Variants in IL12RB2 observed in about 807,000 individuals in gnomAD.
IL12RB2 encodes the protein interleukin 12 receptor subunit beta 2.
IL12RB2 carries 82 observed loss-of-function variants against 89.4 expected under a neutral mutation model. The ratio of observed to expected loss-of-function variants is 0.92; its 90% CI spans 0.77 to 1.10. The LOEUF (loss-of-function observed/expected upper bound fraction) is 1.10, where lower values mean the gene tolerates loss of function less well. Among genes scored for constraint, IL12RB2 ranks in the 50% least tolerant of loss-of-function variants. The pLI is 0.00. For synonymous variants in IL12RB2, 368 were observed against 370.1 expected (o/e 0.99, Z 0.07); for missense variants, 963 against 1,031.9 (o/e 0.93, Z 0.92).
At chr1:67,330,250 T>C (rs1467836120) in intron 7 of IL12RB2, among the ~76,000 whole-genome samples, 1 of 148,100 alleles carries the variant, frequency 6.8e-6, no homozygotes, top group African/African-American at 2.5e-5. Context: ...TTCAAGAGAG[T>C]ATAACTAATT....
In IL12RB2 at chr1:67,329,744, A is replaced by G; in HGVS notation, c.807+15A>G. 1 of 1,583,102 alleles carries G rather than the reference A, an allele frequency of 6.3e-7. No homozygotes were observed. The highest frequency in any genetic ancestry group is 8.7e-7 in the Non-Finnish European group (1 of 1,151,952). On this transcript the variant is annotated intron_variant, in intron 7 of 16. Coordinates refer to ENST00000674203, the MANE Select transcript of IL12RB2 (RefSeq NM_001374259.2). ...TCTGGAATATGGTAATTATCTTTAG[A>G]GTGAAGGAAAAAACACTGAAGCATT...
chr1:67,382,399 T>C (rs1189707830), intron 14 of IL12RB2, among the ~76,000 whole-genome samples: 1 of 152,204 alleles, frequency 6.6e-6, no homozygotes, highest in Non-Finnish European at 1.5e-5. Context: ...AAGAGGAGTC[T>C]TTCTGCAAGA....
intron 8 of IL12RB2, among the ~76,000 whole-genome samples, chr1:67,335,930 T>C (rs994512803): frequency 5.3e-5 from 8 of 152,232 alleles, no homozygotes; most frequent in African/African-American, 1.9e-4. Context: ...AATATAATTC[T>C]AGAATTTGAT....
At chr1:67,359,575 A>G (rs566126662) in intron 10 of IL12RB2, among the ~76,000 whole-genome samples, 1 of 152,196 alleles carries the variant, frequency 6.6e-6, no homozygotes, top group East Asian at 1.9e-4. Context: ...TACAAAAATT[A>G]GCTGGGAGTC....
At chr1:67,335,394 G>A (rs1658634179) in intron 8 of IL12RB2, among the ~76,000 whole-genome samples, 1 of 152,098 alleles carries the variant, frequency 6.6e-6, no homozygotes, top group South Asian at 2.1e-4. Context: ...GAATTGGTTG[G>A]GGGAGTTTGA....
intron 10 of IL12RB2, among the ~76,000 whole-genome samples, chr1:67,356,381 G>C (rs1321942932): frequency 6.6e-6 from 1 of 152,188 alleles, no homozygotes; most frequent in African/African-American, 2.4e-5. Flanking sequence ...ATTCTGGGGA[G>C]CAGTGCAGAG....
At chr1:67,337,427 G>A (rs1246445555) in intron 8 of IL12RB2, among the ~76,000 whole-genome samples, 1 of 152,120 alleles carries the variant, frequency 6.6e-6, no homozygotes, top group African/African-American at 2.4e-5. Flanking sequence ...GAAACAAAAT[G>A]ACTTCACTCA....
intron 10 of IL12RB2, among the ~76,000 whole-genome samples, chr1:67,364,269 T>A (rs1662433693): frequency 6.6e-6 from 1 of 152,136 alleles, no homozygotes; most frequent in Non-Finnish European, 1.5e-5. Flanking sequence ...TGCATGCCTG[T>A]CATCTCAGCT....
chr1:67,367,491 A>G lies in IL12RB2; in HGVS notation c.1259-334A>G, dbSNP rs114790349. Reference sequence around the variant, plus strand: ...AGGAAGGAAGGAAGGAAGGAAGCAAAGAAGGAAGGAAAGAAGGAAGGAAGG... The same window carrying G: ...AGGAAGGAAGGAAGGAAGGAAGCAAGGAAGGAAGGAAAGAAGGAAGGAAGG... On this transcript the variant is annotated intron_variant, in intron 10 of 16. Coordinates refer to ENST00000674203, the MANE Select transcript of IL12RB2 (RefSeq NM_001374259.2). 8.1e-3 allele frequency among the ~76,000 whole-genome samples: 395 copies of G among 48,934 alleles called. 2 individuals are homozygous for G. The highest frequency in any genetic ancestry group is 0.029 in the African/African-American group (365 of 12,460). The allele number at this position is 48,934 out of a possible 152,430, so 32.1% of individuals were successfully genotyped here.
chr1:67,374,337 C>T (rs909887865), intron 13 of IL12RB2, among the ~76,000 whole-genome samples: 6 of 152,238 alleles, frequency 3.9e-5, no homozygotes, highest in African/African-American at 9.6e-5. Flanking sequence ...TTCTGAAATG[C>T]ACCCCAAGAG....
chr1:67,310,514 T>C (rs1269613204), intron 1 of IL12RB2, among the ~76,000 whole-genome samples: 1 of 152,192 alleles, frequency 6.6e-6, no homozygotes, highest in Non-Finnish European at 1.5e-5. Flanking sequence ...AGTCTTTCAG[T>C]GTTAAATCAG....
chr1:67,346,756 A>C (rs761550912), intron 9 of IL12RB2, among the ~76,000 whole-genome samples: 58 of 152,252 alleles, frequency 3.8e-4, no homozygotes, highest in Non-Finnish European at 7.8e-4. Flanking sequence ...TAAAATCAAG[A>C]TGCTCACAAA....
intron 16 of IL12RB2, among the ~76,000 whole-genome samples, chr1:67,393,502 C>G (rs1412931953): frequency 6.6e-6 from 1 of 152,234 alleles, no homozygotes; most frequent in East Asian, 1.9e-4. Flanking sequence ...GGTAGCAGCA[C>G]TTTGGCGGCT....
chr1:67,385,101 T>C (rs1210312179), intron 14 of IL12RB2, among the ~76,000 whole-genome samples: 2 of 152,318 alleles, frequency 1.3e-5, no homozygotes, highest in East Asian at 1.9e-4. Context: ...CCACTCTCTA[T>C]GGTACCAATT....
At chr1:67,376,516 G>A (rs1200170442) in intron 13 of IL12RB2, among the ~76,000 whole-genome samples, 4 of 152,146 alleles carry the variant, frequency 2.6e-5, no homozygotes. Flanking sequence ...GACCGCCAAG[G>A]ATTGAATGGC....
In IL12RB2 at chr1:67,330,708, C is replaced by T. The variant is rs566394143; in HGVS notation, c.856C>T (p.Pro286Ser). 1 of 1,533,856 alleles carries T rather than the reference C, an allele frequency of 6.5e-7. No homozygotes were observed. Among genetic ancestry groups the T allele is most frequent in the East Asian group, 2.3e-5 (1 of 44,392 alleles). ...AAGACATGATTTGCTGGATCTGAAA[C>T]CATTTACAGAATATGAATTTCAGAT... is the stretch of plus-strand genomic sequence containing the variant. ...KGRHDLLDLK[P>S]FTEYEFQISS... The change falls in exon 8 of 17, where the codon CCA (proline) becomes TCA (serine). Residue 286 changes from proline (P) to serine (S), a missense_variant. By Grantham distance (74) the Pro-to-Ser change is moderately conservative. Transcript: ENST00000674203.
Position 67,329,589 on chromosome 1 carries a change from A to ATCTAAT in IL12RB2, c.667_668insTCTAAT (p.Arg223delinsIleTer). ...TTTTTGTTTGTCCTGGTTACTAGTG[A>ATCTAAT]GGCCTCTTCCTCCGTGGGACATTAG... On this transcript the variant is annotated stop_gained and protein_altering_variant, in exon 7 of 17. Transcript: ENST00000674203. LOFTEE classifies it high-confidence loss of function. 6.3e-7 allele frequency: 1 copy of ATCTAAT among 1,576,008 alleles called. No homozygotes were observed. Among genetic ancestry groups the ATCTAAT allele is most frequent in the South Asian group, 1.1e-5 (1 of 90,252 alleles).
chr1:67,307,810 C>CGCAGAGGCGGGAG (rs1025740286), upstream of IL12RB2: 2 of 152,174 alleles, frequency 1.3e-5, no homozygotes, highest in African/African-American at 4.8e-5. Flanking sequence ...GAGTTGGTGG[C>CGCAGAGGCGGGAG]GCAGAGGCGG....
intron 10 of IL12RB2, among the ~76,000 whole-genome samples, chr1:67,358,959 T>C (rs1322895100): frequency 6.6e-6 from 1 of 152,020 alleles, no homozygotes; most frequent in Non-Finnish European, 1.5e-5. Flanking sequence ...CTGGCCAACA[T>C]TGTGAAACCC....
Sources: allele counts gnomAD v4.1 joint callset (sites outside exome capture counted in the v4.1 genomes callset), GRCh38; gene constraint gnomAD v4.1.1; transcripts MANE v1.5; gene names NCBI Gene and HGNC (gene_info 2026-07-23, HGNC 2026-07-21).